The following MUC3A variants were observed in gnomAD, a reference collection of about 807,000 sequenced individuals.
The protein encoded by MUC3A is mucin 3A, cell surface associated.
A neutral mutation model predicts 109.0 loss-of-function variants in MUC3A; 109 were observed. The observed-to-expected ratio is 1.00, with a 90% CI of 0.86 to 1.17. The LOEUF (loss-of-function observed/expected upper bound fraction) is 1.17, where lower values mean the gene tolerates loss of function less well. Ranked by LOEUF, MUC3A falls within the 50% of genes most tolerant of loss-of-function variation. MUC3A has a pLI of 0.00. For synonymous variants in MUC3A, 1,398 were observed against 981.4 expected, an observed-to-expected ratio of 1.42 and a Z score of -7.93; for missense variants, 3,537 against 2,469.4, an observed-to-expected ratio of 1.43 and a Z score of -9.16.
At chr7:100,962,238 A>T (rs1792350973) in intron 3 of MUC3A, among the ~76,000 whole-genome samples, 1 of 2,292 alleles carries the variant, frequency 4.4e-4, no homozygotes, top group Non-Finnish European at 1.1e-3. Context: ...TCTCAAAAAA[A>T]AAAAAAAAAA....
intron 1 of MUC3A, among the ~76,000 whole-genome samples, 173 bp downstream of exon 1, chr7:100,949,858 G>A (rs1791885864): frequency 1.9e-4 from 2 of 10,674 alleles, no homozygotes; most frequent in Admixed American, 2.1e-3. Flanking sequence ...GGGCGGTGAG[G>A]AGAGGTTTCT....
chr7:100,953,082 A>AT lies in MUC3A; in HGVS notation c.1303_1304insT (p.Thr435IlefsTer133). 1 of 1,082,550 alleles carries AT rather than the reference A, an allele frequency of 9.2e-7. No individual in the cohort carries two copies. The highest frequency in any genetic ancestry group is 2.0e-5 in the Admixed American group (1 of 50,176). 67.1% of individuals were successfully genotyped at this position (1,082,550 alleles called of 1,614,324 possible). On this transcript the variant is annotated frameshift_variant, in exon 2 of 12. Transcript: ENST00000379458. LOFTEE classifies it high-confidence loss of function. ...TACTATGGTGACTTCCACAACCATG[A>AT]CCCCATCTTCTCTGAGTACAGACAT... is the stretch of plus-strand genomic sequence containing the variant.
In MUC3A at chr7:100,967,103, T is replaced by C. The variant is rs1218517092; in HGVS notation, c.9931-18T>C. On this transcript the variant is annotated intron_variant, in intron 11 of 11. Transcript: ENST00000379458. ...ACCAGTGGCTCCGCGTTCCCGTCCCTCACTGTGACTCTGACAGGTGCACAT... is the reference window on the plus strand; with the variant it reads ...ACCAGTGGCTCCGCGTTCCCGTCCCCCACTGTGACTCTGACAGGTGCACAT... 5.0e-6 allele frequency: 8 copies of C among 1,598,422 alleles called. No individual in the cohort carries two copies. Among genetic ancestry groups the C allele is most frequent in the Non-Finnish European group, 6.8e-6 (8 of 1,179,824 alleles).
At chr7:100,962,809 CTCTCTT>C (rs761912150) in intron 3 of MUC3A, among the ~76,000 whole-genome samples, 10 of 30,702 alleles carry the variant, frequency 3.3e-4, no homozygotes, top group East Asian at 1.9e-3. Flanking sequence ...CTCTCTCTCT[CTCTCTT>C]TCTTTCTTTC....
intron 8 of MUC3A, 176 bp downstream of exon 8, chr7:100,966,042 C>A: frequency 2.5e-6 from 2 of 787,784 alleles, no homozygotes; most frequent in Non-Finnish European, 3.9e-6. Flanking sequence ...CCCTGGAGCT[C>A]TGCTCCTTTG....
rs781212396 is a variant in MUC3A, at chr7:100,960,490, G to T, written c.8711G>T (p.Arg2904Met). The change falls in exon 2 of 12, where the codon AGG becomes ATG. Residue 2904 changes from arginine (R) to methionine (M), a missense_variant. Physicochemically the swap from Arg to Met is moderately conservative, Grantham distance 91. Coordinates refer to ENST00000379458, the MANE Select transcript of MUC3A (RefSeq NM_005960.2). Reference sequence around the variant, plus strand: ...AGCAGTAGCCTCCCGACCATCCTGAGGACTTCAAGCAAGTCAACACACCCC... The same window carrying T: ...AGCAGTAGCCTCCCGACCATCCTGATGACTTCAAGCAAGTCAACACACCCC... ...KPSSSLPTIL[R>M]TSSKSTHPSP... is the part of the protein sequence containing the mutation. The T allele has an allele frequency of 5.9e-5, 95 of 1,598,572 alleles. No homozygotes were observed. The highest frequency in any genetic ancestry group is 7.7e-5 in the Non-Finnish European group (91 of 1,179,824).
At position 100,952,884 on chromosome 7, in the gene MUC3A, C is replaced by T; in HGVS notation, c.1105C>T (p.Pro369Ser). ...GTLSTETSLP[P>S]TSSSLPTTET... ...ATTGTCCACAGAGACTTCTCTCCCA[C>T]CCACCTCTTCCTCTCTCCCAACCAC... The change falls in exon 2 of 12, where the codon CCC becomes TCC. Residue 369 changes from proline to serine, a missense_variant. Transcript: ENST00000379458. The T allele has an allele frequency of 6.4e-7, 1 of 1,551,298 alleles. No individual in the cohort carries two copies. The highest frequency in any genetic ancestry group is 8.6e-7 in the Non-Finnish European group (1 of 1,157,282).
chr7:100,955,517 A>C lies in MUC3A; in HGVS notation c.3738A>C (p.Thr1246=). Residue 1246 remains threonine, a synonymous_variant, in exon 2 of 12, where the codon ACA becomes ACC. Transcript: ENST00000379458. ...VIPSSPSIQN[T]ETSSLVSMTS... ...CATCTTCCCCCAGCATCCAGAATAC[A>C]GAAACCTCATCCCTTGTCAGCATGA... 1.9e-6 allele frequency: 1 copy of C among 522,980 alleles called. No individual in the cohort carries two copies. The highest frequency in any genetic ancestry group is 3.3e-6 in the Non-Finnish European group (1 of 299,740). The allele number at this position is 522,980 out of a possible 1,614,324, so 32.4% of individuals were successfully genotyped here.
chr7:100,964,944 A>C (rs2116221728), intron 6 of MUC3A, 101 bp downstream of exon 6: 2 of 1,470,570 alleles, frequency 1.4e-6, no homozygotes, highest in East Asian at 4.9e-5. Flanking sequence ...GCCCTGTGGT[A>C]CCTCTGGCAG....
In MUC3A at chr7:100,955,933, C is replaced by A; in HGVS notation, c.4154C>A (p.Pro1385His). The A allele has an allele frequency of 1.8e-6, 1 of 543,602 alleles. No individual in the cohort carries two copies. Among genetic ancestry groups the A allele is most frequent in the Non-Finnish European group, 3.3e-6 (1 of 306,406 alleles). 33.7% of individuals were successfully genotyped at this position (543,602 alleles called of 1,614,324 possible). Residue 1385 changes from proline to histidine, a missense_variant, in exon 2 of 12, where the codon CCC becomes CAC. Physicochemically the swap from Pro to His is moderately conservative, Grantham distance 77. Transcript: ENST00000379458. ...CTCACAACAGCCATGACTTCTACTC[C>A]CCCCATCACTTCTTCAATCACTCCC... ...ESLTTAMTSTPPITSSITPTD... is the reference protein window; with the variant it reads ...ESLTTAMTSTHPITSSITPTD...
At chr7:100,966,272 C>CT (rs1415611213) in intron 8 of MUC3A, 114 bp from the exon 9 acceptor site, 2 of 1,210,124 alleles carry the variant, frequency 1.7e-6, no homozygotes, top group African/African-American at 3.1e-5. Context: ...GGGTGGAACC[C>CT]CCCGCTGCCC....
chr7:100,962,375 C>CTTCAG (rs1792356305), intron 3 of MUC3A, among the ~76,000 whole-genome samples: 2 of 796 alleles, frequency 2.5e-3, no homozygotes, highest in African/African-American at 3.7e-3. Context: ...CTATGATCCC[C>CTTCAG]CTATTGCACT....
In MUC3A at chr7:100,959,532, A is replaced by G; in HGVS notation, c.7753A>G (p.Thr2585Ala). The G allele has an allele frequency of 6.3e-7, 1 of 1,591,224 alleles. No individual in the cohort carries two copies. The change falls in exon 2 of 12, where the codon ACG (threonine) becomes GCG (alanine). Residue 2585 changes from threonine to alanine, a missense_variant. Thr to Ala is a moderately conservative substitution (Grantham distance 58). Coordinates refer to ENST00000379458, the MANE Select transcript of MUC3A (RefSeq NM_005960.2). ...ETPTQTPPVLTSATGTQTSPA... is the reference protein window; with the variant it reads ...ETPTQTPPVLASATGTQTSPA... ...CCCAACACAGACCCCTCCTGTACTG[A>G]CGTCAGCCACTGGGACCCAAACATC... is the stretch of plus-strand genomic sequence containing the variant.
chr7:100,964,850 C>A lies in MUC3A; in HGVS notation c.9382+7C>A, dbSNP rs1308279045. On this transcript the variant is annotated splice_region_variant and intron_variant, in intron 6 of 11. Transcript: ENST00000379458. ...AGCTGCCAGGACTCCCAGAGTGAGC[C>A]CAGGCTGGAGGGAGGGGCCAGGGCC... 6.3e-7 allele frequency: 1 copy of A among 1,596,038 alleles called. No individual in the cohort carries two copies. Among genetic ancestry groups the A allele is most frequent in the Non-Finnish European group, 8.5e-7 (1 of 1,178,022 alleles).
Position 100,955,406 on chromosome 7 carries a change from C to T in MUC3A, c.3627C>T (p.Gly1209=), listed in dbSNP as rs1389483114. The part of the protein sequence containing the change: ...TPTTITYPSV[G]STGFLTTATD... ...CAACTATCACCTACCCTTCTGTGGG[C>T]TCTACCGGTTTCCTGACTACAGCAA... Residue 1209 remains glycine (G), a synonymous_variant, in exon 2 of 12, where the codon GGC becomes GGT. Coordinates refer to ENST00000379458, the MANE Select transcript of MUC3A (RefSeq NM_005960.2). The T allele has an allele frequency of 6.5e-6, 4 of 617,628 alleles. No homozygotes were observed. In the East Asian group the frequency reaches 1.1e-4, roughly 17 times the overall value. 38.3% of individuals were successfully genotyped at this position (617,628 alleles called of 1,614,324 possible). A position where few individuals can be genotyped will look rare whatever the true frequency, so the allele number is the denominator to read the frequency against.
At chr7:100,963,812 A>G in intron 5 of MUC3A, 60 bp downstream of exon 5, 2 of 1,593,734 alleles carry the variant, frequency 1.3e-6, no homozygotes, top group Non-Finnish European at 1.7e-6. Context: ...TGCGCACACA[A>G]AAAACCCATT....
At position 100,953,999 on chromosome 7, in the gene MUC3A, C is replaced by G. The variant is rs1792037985; in HGVS notation, c.2220C>G (p.Thr740=). 2.2e-6 allele frequency: 1 copy of G among 464,152 alleles called. No individual in the cohort carries two copies. The highest frequency in any genetic ancestry group is 3.8e-6 in the Non-Finnish European group (1 of 263,784). The allele number at this position is 464,152 out of a possible 1,614,324, so 28.8% of individuals were successfully genotyped here. The change falls in exon 2 of 12, where the codon ACC becomes ACG. Residue 740 remains threonine (T), a synonymous_variant. Coordinates refer to ENST00000379458, the MANE Select transcript of MUC3A (RefSeq NM_005960.2). ...TTMTETSSTA[T]SLPPTSPLVS... ...TGACAGAGACATCATCCACTGCCAC[C>G]TCTCTTCCACCCACCTCTCCCTTGG...
chr7:100,955,157 A>C lies in MUC3A; in HGVS notation c.3378A>C (p.Pro1126=), dbSNP rs982585589. The stretch of plus-strand genomic sequence containing the variant: ...TCCCACCCACCTCTTCCTCTCTCCC[A>C]ACCACAGAAACAGCCACGATGACTC... The part of the protein sequence containing the change: ...TTLPPTSSSL[P]TTETATMTPT... Residue 1126 remains proline (P), a synonymous_variant, in exon 2 of 12, where the codon CCA becomes CCC. Transcript: ENST00000379458. 85 of 640,506 alleles carry C rather than the reference A, an allele frequency of 1.3e-4. No individual in the cohort carries two copies. The highest frequency in any genetic ancestry group is 2.2e-4 in the Non-Finnish European group (80 of 358,684). The allele number at this position is 640,506 out of a possible 1,614,324, so 39.7% of individuals were successfully genotyped here.
rs1792464991 is a variant in MUC3A, at chr7:100,964,765, T to G, written c.9304T>G (p.Tyr3102Asp). ...CTTCAGCCCCCAGCTGGAGAGCGAG[T>G]ATGAGCAGGTGAAGACCACGCTGAA... ...MPFSPQLESE[Y>D]EQVKTTLKEG... The change falls in exon 6 of 12, where the codon TAT (tyrosine) becomes GAT (aspartate). Residue 3102 changes from tyrosine to aspartate, a missense_variant. Physicochemically the swap from Tyr to Asp is radical, Grantham distance 160. Transcript: ENST00000379458. 1 of 1,598,470 alleles carries G rather than the reference T, an allele frequency of 6.3e-7. No individual in the cohort carries two copies. The highest frequency in any genetic ancestry group is 8.5e-7 in the Non-Finnish European group (1 of 1,179,762).
Sources: allele counts gnomAD v4.1 joint callset (sites outside exome capture counted in the v4.1 genomes callset), GRCh38; gene constraint gnomAD v4.1.1; transcripts MANE v1.5; gene names NCBI Gene and HGNC (gene_info 2026-07-23, HGNC 2026-07-21).